The following CASD1 variants were observed in gnomAD, a reference collection of about 807,000 sequenced individuals.
CASD1 encodes the protein N-acetylneuraminate (7)9-O-acetyltransferase.
In CASD1, 41 loss-of-function variants were observed where a neutral mutation model predicts 100.0. The ratio of observed to expected loss-of-function variants is 0.41; its 90% CI spans 0.32 to 0.53. CASD1 has a LOEUF of 0.53. CASD1 is among the 20% of genes least tolerant of loss of function. CASD1 has a pLI of 0.25. For synonymous variants in CASD1, 321 were observed against 315.6 expected (o/e 1.02, Z -0.18); for missense variants, 774 against 948.7 (o/e 0.82, Z 2.42).
At chr7:94,599,739 A>C in the CASD1 span, 6 of 1,527,840 alleles carry the variant, frequency 3.9e-6, no homozygotes, top group Non-Finnish European at 5.4e-6. Context: ...AACAAAACAA[A>C]ATTTATGAAT....
rs943409644 is a variant in CASD1, at chr7:94,521,876, G to A, written c.351+3553G>A. Among the ~76,000 whole-genome samples the A allele has an allele frequency of 1.1e-4, 17 of 152,266 alleles. No homozygotes were observed. In the South Asian group the frequency reaches 1.7e-3, roughly 15 times the overall value. On this transcript the variant is annotated intron_variant, in intron 3 of 17. Transcript: ENST00000297273. ...CGAAGCGGGTGGATCACAAGGTCAGGAGATCGAGACCATCCTGGCTAACAC... is the reference window on the plus strand; with the variant it reads ...CGAAGCGGGTGGATCACAAGGTCAGAAGATCGAGACCATCCTGGCTAACAC...
downstream of CASD1, among the ~76,000 whole-genome samples, chr7:94,560,744 T>C (rs1796326383): frequency 6.6e-6 from 1 of 152,160 alleles, no homozygotes; most frequent in Non-Finnish European, 1.5e-5. Context: ...TAAATAGCCC[T>C]GGGACTATTG....
intron 5 of CASD1, among the ~76,000 whole-genome samples, chr7:94,532,771 T>G (rs1794913543): frequency 6.6e-6 from 1 of 152,176 alleles, no homozygotes; most frequent in South Asian, 2.1e-4. Flanking sequence ...GATTTCACTT[T>G]CCCAGAAGAT....
At chr7:94,578,921 G>C in the CASD1 span, among the ~76,000 whole-genome samples, 1 of 152,066 alleles carries the variant, frequency 6.6e-6, no homozygotes, top group East Asian at 1.9e-4. Context: ...TCTTTAGATA[G>C]ACCTATTCTG....
At chr7:94,615,521 A>G in the CASD1 span, among the ~76,000 whole-genome samples, 1 of 152,170 alleles carries the variant, frequency 6.6e-6, no homozygotes, top group Admixed American at 6.5e-5. Context: ...AATATTGGGC[A>G]GCCATTGACT....
intron 13 of CASD1, 50 bp downstream of exon 13, chr7:94,547,225 T>G: frequency 5.9e-6 from 8 of 1,357,568 alleles, no homozygotes; most frequent in African/African-American, 1.5e-5. Context: ...ATTTTAAAGT[T>G]CAAGTCTATT....
chr7:94,513,312 C>G (rs1385854734), intron 1 of CASD1, among the ~76,000 whole-genome samples: 1 of 145,884 alleles, frequency 6.9e-6, no homozygotes, highest in Non-Finnish European at 1.5e-5. Flanking sequence ...AAAAAATCAA[C>G]TTTATTGTAC....
In CASD1 at chr7:94,535,102, T is replaced by C. The variant is rs1795056078; in HGVS notation, c.629-207T>C. Among the ~76,000 whole-genome samples the C allele has an allele frequency of 2.0e-5, 3 of 152,202 alleles. No individual in the cohort carries two copies. In the South Asian group the frequency reaches 6.2e-4, roughly 31 times the overall value. On this transcript the variant is annotated intron_variant, in intron 7 of 17. Coordinates refer to ENST00000297273, the MANE Select transcript of CASD1 (RefSeq NM_022900.5). ...AAAAGTTCTTTAAATTTGAAAGGGATATTGCTTGACTCAAAACTTGAATAT... is the reference window on the plus strand; with the variant it reads ...AAAAGTTCTTTAAATTTGAAAGGGACATTGCTTGACTCAAAACTTGAATAT...
At chr7:94,565,208 T>G in the CASD1 span, among the ~76,000 whole-genome samples, 1 of 152,094 alleles carries the variant, frequency 6.6e-6, no homozygotes, top group Non-Finnish European at 1.5e-5. Context: ...CTCTATTATT[T>G]TGGGGCCTAT....
At chr7:94,573,892 A>G in the CASD1 span, among the ~76,000 whole-genome samples, 1 of 152,120 alleles carries the variant, frequency 6.6e-6, no homozygotes, top group Non-Finnish European at 1.5e-5. Context: ...CATTATTTTG[A>G]AGTATGTTCC....
chr7:94,570,417 C>T, the CASD1 span, among the ~76,000 whole-genome samples: 3 of 152,072 alleles, frequency 2.0e-5, no homozygotes, highest in Non-Finnish European at 4.4e-5. Flanking sequence ...CAACTGTATC[C>T]CCTTTTATGT....
intron 5 of CASD1, 50 bp downstream of exon 5, chr7:94,528,300 T>C: frequency 7.7e-7 from 1 of 1,290,936 alleles, no homozygotes; most frequent in South Asian, 1.3e-5. Context: ...TTTATTCCCT[T>C]TACACAAGCA....
chr7:94,565,711 C>T, the CASD1 span, among the ~76,000 whole-genome samples: 4 of 152,194 alleles, frequency 2.6e-5, no homozygotes, highest in East Asian at 1.9e-4. Flanking sequence ...AAGGGCTTCT[C>T]GTTGCCTGCC....
intron 3 of CASD1, among the ~76,000 whole-genome samples, chr7:94,519,690 A>G (rs1259610472): frequency 6.6e-6 from 1 of 152,166 alleles, no homozygotes; most frequent in Admixed American, 6.5e-5. Flanking sequence ...TTTTTTTAAT[A>G]GAGACGAGGT....
intron 3 of CASD1, among the ~76,000 whole-genome samples, chr7:94,520,060 C>T (rs930370907): frequency 2.6e-5 from 4 of 152,006 alleles, no homozygotes; most frequent in South Asian, 2.1e-4. Context: ...GATTATCAAA[C>T]GAGATATCAG....
chr7:94,577,647 CA>C, the CASD1 span, among the ~76,000 whole-genome samples: 2 of 151,638 alleles, frequency 1.3e-5, no homozygotes, highest in South Asian at 2.1e-4. Flanking sequence ...TGAAACTTTT[CA>C]AAGCCTCTAT....
At chr7:94,596,973 A>G in the CASD1 span, among the ~76,000 whole-genome samples, 1 of 152,158 alleles carries the variant, frequency 6.6e-6, no homozygotes, top group African/African-American at 2.4e-5. Flanking sequence ...TCATCTAAAA[A>G]GGGATAAGAG....
At chr7:94,592,556 AT>A in the CASD1 span, among the ~76,000 whole-genome samples, 7 of 152,194 alleles carry the variant, frequency 4.6e-5, no homozygotes, top group African/African-American at 7.2e-5. Context: ...TTCTCATTTT[AT>A]GTTCATTAAT....
At chr7:94,528,280 T>TA (rs1562937570) in intron 5 of CASD1, 30 bp downstream of exon 5, 1 of 1,459,478 alleles carries the variant, frequency 6.9e-7, no homozygotes. Flanking sequence ...AGGCTTTTTT[T>TA]TTTTTTATTT....
Sources: gnomAD v4.1 joint callset for allele counts (sites outside exome capture counted in the v4.1 genomes callset) on GRCh38, gnomAD v4.1.1 for gene constraint, MANE v1.5 for transcripts, NCBI Gene and HGNC (gene_info 2026-07-23, HGNC 2026-07-21) for gene names.